The following DAOA variants were observed in gnomAD, a reference collection of about 807,000 sequenced individuals.
DAOA encodes the protein D-amino acid oxidase regulator.
DAOA carries 15 observed loss-of-function variants against 16.4 expected under a neutral mutation model. That is an observed-to-expected ratio of 0.91 (90% confidence interval 0.61 to 1.41). The LOEUF (loss-of-function observed/expected upper bound fraction) is 1.41, where lower values mean the gene tolerates loss of function less well. Among genes scored for constraint, DAOA ranks in the 40% most tolerant of loss-of-function variants. The probability of loss-of-function intolerance (pLI) is 0.00; values close to 1 mark genes in which losing one functional copy is unlikely to be tolerated. For missense variants in DAOA, 230 were observed against 176.8 expected, an observed-to-expected ratio of 1.30 and a Z score of -1.71; for synonymous variants, 75 against 59.1, an observed-to-expected ratio of 1.27 and a Z score of -1.23.
At position 105,472,636 on chromosome 13, in the gene DAOA, C is replaced by A. The variant is rs756755022; in HGVS notation, c.232C>A (p.Gln78Lys). Residue 78 changes from glutamine to lysine, a missense_variant, in exon 4 of 6, where the codon CAG becomes AAG. By Grantham distance (53) the Gln-to-Lys change is moderately conservative. Transcript: ENST00000375936. ...GYLEMAQRHL[Q>K]RSLCPWVSYL... ...TTTGGAAATGGCACAGAGGCATTTACAGAGATCATTATGTCCTTGGGTCTC... is the reference window on the plus strand; with the variant it reads ...TTTGGAAATGGCACAGAGGCATTTAAAGAGATCATTATGTCCTTGGGTCTC... 6 of 1,614,044 alleles carry A rather than the reference C, an allele frequency of 3.7e-6. No individual in the cohort carries two copies. The highest frequency in any genetic ancestry group is 5.1e-6 in the Non-Finnish European group (6 of 1,179,932).
intron 4 of DAOA, among the ~76,000 whole-genome samples, chr13:105,488,756 C>T (rs377277258): frequency 6.6e-6 from 1 of 152,148 alleles, no homozygotes; most frequent in Non-Finnish European, 1.5e-5. Flanking sequence ...TAGGATCAGG[C>T]CAAGTCATTA....
Position 105,489,962 on chromosome 13 carries a change from G to C in DAOA, c.343G>C (p.Ala115Pro), listed in dbSNP as rs1878402662. The C allele has an allele frequency of 6.2e-7, 1 of 1,613,692 alleles. No individual in the cohort carries two copies. The highest frequency in any genetic ancestry group is 2.2e-5 in the East Asian group (1 of 44,846). ...VFMARNYEFL[A>P]YEASKDRRQP... The stretch of plus-strand genomic sequence containing the variant: ...CATGGCAAGAAACTATGAGTTCCTT[G>C]CCTATGAGGCCTCTAAGGACCGCAG... The change falls in exon 5 of 6, where the codon GCC becomes CCC. Residue 115 changes from alanine to proline, a missense_variant. By Grantham distance (27) the Ala-to-Pro change is conservative. Transcript: ENST00000375936.
At chr13:105,481,336 A>C (rs1310679377) in intron 4 of DAOA, among the ~76,000 whole-genome samples, 1 of 152,140 alleles carries the variant, frequency 6.6e-6, no homozygotes, top group African/African-American at 2.4e-5. Context: ...TGGGGTCTTA[A>C]CTTGGTTCTG....
intron 4 of DAOA, among the ~76,000 whole-genome samples, chr13:105,478,824 C>T (rs971753120): frequency 1.3e-5 from 2 of 152,134 alleles, no homozygotes; most frequent in African/African-American, 4.8e-5. Flanking sequence ...TTTCATTATG[C>T]CAAACACCAA....
intron 4 of DAOA, among the ~76,000 whole-genome samples, chr13:105,485,260 C>T (rs1878027704): frequency 6.6e-6 from 1 of 152,276 alleles, no homozygotes; most frequent in Middle Eastern, 3.4e-3. Context: ...AAATCTACAG[C>T]TCCACATAAA....
rs1176194757 is a variant in DAOA, at chr13:105,489,667, A to G, written c.282-234A>G. The G allele has an allele frequency of 4.3e-6, 4 of 927,536 alleles. No homozygotes were observed. The East Asian group carries it at 1.1e-4, about 25-fold the overall frequency. 57.5% of individuals were successfully genotyped at this position (927,536 alleles called of 1,614,324 possible). On this transcript the variant is annotated intron_variant, in intron 4 of 5. Coordinates refer to ENST00000375936, the MANE Select transcript of DAOA (RefSeq NM_172370.5). ...TTCCTACAATTCTTTATGCTTTTTC[A>G]CAGTCTTTCTTTGAAATTATATCCA... is the stretch of plus-strand genomic sequence containing the variant.
chr13:105,487,215 G>A (rs567322389), intron 4 of DAOA, among the ~76,000 whole-genome samples: 35 of 152,078 alleles, frequency 2.3e-4, no homozygotes, highest in Non-Finnish European at 4.0e-4. Flanking sequence ...TTTTGCACAC[G>A]AACCAAATCA....
chr13:105,467,170 T>A, intron 3 of DAOA, 29 bp downstream of exon 3: 1 of 1,558,560 alleles, frequency 6.4e-7, no homozygotes, highest in Non-Finnish European at 8.7e-7. Context: ...TTATATGAAT[T>A]TAAATTCTTC....
At chr13:105,476,090 A>T (rs1041721940) in intron 4 of DAOA, among the ~76,000 whole-genome samples, 1 of 152,126 alleles carries the variant, frequency 6.6e-6, no homozygotes, top group Non-Finnish European at 1.5e-5. Flanking sequence ...AGTTTATTAA[A>T]ATTTTATGTA....
chr13:105,474,096 A>G (rs764527120), intron 4 of DAOA, among the ~76,000 whole-genome samples: 1 of 152,086 alleles, frequency 6.6e-6, no homozygotes, highest in Non-Finnish European at 1.5e-5. Flanking sequence ...TATTTCTATG[A>G]CATCCTATTT....
chr13:105,469,833 A>G (rs546834453), intron 3 of DAOA, among the ~76,000 whole-genome samples: 2 of 152,194 alleles, frequency 1.3e-5, no homozygotes, highest in South Asian at 2.1e-4. Flanking sequence ...ATTTACTTTC[A>G]TCATATTTCC....
At chr13:105,489,814 G>C (rs765912249) in intron 4 of DAOA, 87 bp from the exon 5 acceptor site, 1 of 1,612,626 alleles carries the variant, frequency 6.2e-7, no homozygotes, top group Non-Finnish European at 8.5e-7. Context: ...CTAACCAATG[G>C]AACATGGGAA....
In DAOA at chr13:105,467,889, A is replaced by C. The variant is rs888882252; in HGVS notation, c.133+748A>C. 2.4e-4 allele frequency among the ~76,000 whole-genome samples: 37 copies of C among 152,270 alleles called. 1 individual carries two copies. Among genetic ancestry groups the C allele is most frequent in the South Asian group, 1.0e-3 (5 of 4,824 alleles). The stretch of plus-strand genomic sequence containing the variant: ...AAGCACAAATTTAGTGGTGAAAAAA[A>C]CAAGCACATTCATTATTTCATAGTT... On this transcript the variant is annotated intron_variant, in intron 3 of 5. Coordinates refer to ENST00000375936, the MANE Select transcript of DAOA (RefSeq NM_172370.5).
intron 4 of DAOA, among the ~76,000 whole-genome samples, chr13:105,477,519 G>A (rs1233526271): frequency 1.3e-5 from 2 of 152,176 alleles, no homozygotes; most frequent in Non-Finnish European, 2.9e-5. Context: ...CTTGAGCCCA[G>A]GAGTTCAAGA....
Position 105,472,599 on chromosome 13 carries a change from T to G in DAOA, c.195T>G (p.His65Gln), listed in dbSNP as rs1363527820. ...VTRKEGWKRR[H>Q]EDGYLEMAQR... The stretch of plus-strand genomic sequence containing the variant: ...GGAAAGAAGGATGGAAGAGAAGGCA[T>G]GAGGACGGCTATTTGGAAATGGCAC... Residue 65 changes from histidine (H) to glutamine (Q), a missense_variant, in exon 4 of 6, where the codon CAT becomes CAG. His to Gln is a conservative substitution (Grantham distance 24). Coordinates refer to ENST00000375936, the MANE Select transcript of DAOA (RefSeq NM_172370.5). The G allele has an allele frequency of 1.9e-6, 3 of 1,614,098 alleles. No individual in the cohort carries two copies. In the South Asian group the frequency reaches 3.3e-5, roughly 18 times the overall value.
At chr13:105,478,673 T>G (rs1877506631) in intron 4 of DAOA, among the ~76,000 whole-genome samples, 1 of 152,210 alleles carries the variant, frequency 6.6e-6, no homozygotes, top group South Asian at 2.1e-4. Context: ...TTATCTTGCT[T>G]TATTTCTGAG....
intron 4 of DAOA, among the ~76,000 whole-genome samples, chr13:105,478,797 A>G (rs1288078269): frequency 6.6e-6 from 1 of 152,186 alleles, no homozygotes; most frequent in Non-Finnish European, 1.5e-5. Flanking sequence ...CCCTGACAGT[A>G]GGACTTTGTT....
chr13:105,473,297 T>C (rs11842888), intron 4 of DAOA, among the ~76,000 whole-genome samples: 43 of 152,178 alleles, frequency 2.8e-4, no homozygotes, highest in African/African-American at 9.9e-4. Context: ...GCTATCTATC[T>C]TTTTTTGCCT....
At chr13:105,489,140 T>G (rs75882573) in intron 4 of DAOA, among the ~76,000 whole-genome samples, 3,052 of 152,302 alleles carry the variant, frequency 0.02, 48 homozygotes, top group South Asian at 0.076. Flanking sequence ...ATTTGTTGGT[T>G]GGAAGTAACA....
Sources: allele counts gnomAD v4.1 joint callset (sites outside exome capture counted in the v4.1 genomes callset), GRCh38; gene constraint gnomAD v4.1.1; transcripts MANE v1.5; gene names NCBI Gene and HGNC (gene_info 2026-07-23, HGNC 2026-07-21).